Variants in DPP10 observed in about 807,000 individuals in gnomAD.
DPP10 encodes the protein inactive dipeptidyl peptidase 10.
Under a neutral mutation model 120.9 loss-of-function variants are expected in DPP10, and 33 were observed. That is an observed-to-expected ratio of 0.27 (90% CI 0.21 to 0.37). DPP10 has a LOEUF of 0.37. Among genes scored for constraint, DPP10 ranks in the 10% least tolerant of loss-of-function variants. DPP10 has a pLI of 1.00. For missense variants in DPP10, 816 were observed against 942.8 expected (o/e 0.87, Z 1.76); for synonymous variants, 337 against 326.1 (o/e 1.03, Z -0.36).
intron 1 of DPP10, among the ~76,000 whole-genome samples, chr2:115,142,711 G>C (rs538299288): frequency 3.9e-5 from 6 of 152,132 alleles, no homozygotes; most frequent in Non-Finnish European, 5.9e-5. Flanking sequence ...CAGGACCCAG[G>C]GAAGTTGGGT....
intron 1 of DPP10, among the ~76,000 whole-genome samples, chr2:114,443,148 T>G (rs182119267): frequency 6.6e-6 from 1 of 152,206 alleles, no homozygotes; most frequent in Non-Finnish European, 1.5e-5. Context: ...ATTTTCTTGA[T>G]AGAACTGGGG....
intron 1 of DPP10, among the ~76,000 whole-genome samples, chr2:114,757,397 A>G (rs1679871532): frequency 6.8e-6 from 1 of 146,634 alleles, no homozygotes; most frequent in Admixed American, 6.8e-5. Flanking sequence ...GGAGGGAGGG[A>G]GAGAGAGAGA....
At chr2:114,589,266 C>T (rs184453419) in intron 1 of DPP10, among the ~76,000 whole-genome samples, 1 of 152,186 alleles carries the variant, frequency 6.6e-6, no homozygotes, top group Non-Finnish European at 1.5e-5. Context: ...TTCCTGGAGG[C>T]CCAGCCTGTG....
At chr2:114,591,922 T>C (rs1691499612) in intron 1 of DPP10, among the ~76,000 whole-genome samples, 1 of 152,084 alleles carries the variant, frequency 6.6e-6, no homozygotes, top group Admixed American at 6.5e-5. Context: ...TCATTACAGT[T>C]ACAAATTTAG....
intron 1 of DPP10, among the ~76,000 whole-genome samples, chr2:114,516,963 A>G (rs550049065): frequency 2.6e-5 from 4 of 152,364 alleles, no homozygotes; most frequent in Middle Eastern, 3.4e-3. Context: ...TGTTGAGGTT[A>G]TAGCAACTTT....
intron 1 of DPP10, among the ~76,000 whole-genome samples, chr2:114,932,479 T>C (rs1400121546): frequency 6.6e-6 from 1 of 152,124 alleles, no homozygotes; most frequent in East Asian, 1.9e-4. Flanking sequence ...AAAGAACAAA[T>C]TTTTTATATG....
At chr2:114,727,215 G>A (rs953852076) in intron 1 of DPP10, among the ~76,000 whole-genome samples, 9 of 152,162 alleles carry the variant, frequency 5.9e-5, no homozygotes, top group African/African-American at 1.7e-4. Flanking sequence ...CTGGGAGCAG[G>A]CGATGGCTGG....
rs575995108 is a variant in DPP10, at chr2:115,789,542, C to T, written c.1532-1539C>T. Among the ~76,000 whole-genome samples the T allele has an allele frequency of 8.0e-4, 122 of 152,300 alleles. 1 individual carries two copies. Among genetic ancestry groups the T allele is most frequent in the Middle Eastern group, 3.4e-3 (1 of 294 alleles). ...TGCTTAATGGTGAAAGAATGATGCT[C>T]CTGCCTGAGGACTGGGAAAGTCAAG... On this transcript the variant is annotated intron_variant, in intron 17 of 25. Transcript: ENST00000410059.
chr2:115,653,798 T>C (rs760694739), intron 5 of DPP10, among the ~76,000 whole-genome samples: 3 of 151,904 alleles, frequency 2.0e-5, no homozygotes, highest in Non-Finnish European at 2.9e-5. Context: ...ATAGCTCTCT[T>C]TTATTAGTTA....
At chr2:115,075,013 C>T (rs746628162) in intron 1 of DPP10, among the ~76,000 whole-genome samples, 1 of 152,128 alleles carries the variant, frequency 6.6e-6, no homozygotes, top group Admixed American at 6.5e-5. Flanking sequence ...GCAGCAGGAG[C>T]GATGCCTTGG....
intron 1 of DPP10, among the ~76,000 whole-genome samples, chr2:114,665,726 G>A (rs1024866907): frequency 6.6e-6 from 1 of 152,102 alleles, no homozygotes; most frequent in Non-Finnish European, 1.5e-5. Context: ...TGACCCCCAA[G>A]AGAAAAATGT....
intron 21 of DPP10, among the ~76,000 whole-genome samples, chr2:115,826,302 T>C (rs1269002947): frequency 6.6e-6 from 1 of 152,244 alleles, no homozygotes; most frequent in Non-Finnish European, 1.5e-5. Context: ...TAATTGTCTG[T>C]TTGCCTTTTC....
chr2:115,402,891 GTATATATATATGTATATATA>G (rs2068197956), intron 3 of DPP10, among the ~76,000 whole-genome samples: 2 of 124,640 alleles, frequency 1.6e-5, no homozygotes, highest in African/African-American at 3.0e-5. Context: ...GTGTGTGTGT[GTATATATATATGTATATATA>G]TGTGTGTATA....
At chr2:115,835,695 A>AT (rs1435887544) in intron 21 of DPP10, among the ~76,000 whole-genome samples, 1 of 152,048 alleles carries the variant, frequency 6.6e-6, no homozygotes, top group Non-Finnish European at 1.5e-5. Context: ...AACAATCTAA[A>AT]TTTTTGGTGA....
At chr2:114,766,271 T>TA (rs1274346629) in intron 1 of DPP10, among the ~76,000 whole-genome samples, 1 of 151,898 alleles carries the variant, frequency 6.6e-6, no homozygotes, top group East Asian at 1.9e-4. Context: ...TCAGCTAAAA[T>TA]AAAAAATAAA....
rs1395434690 is a variant in DPP10, at chr2:114,924,400, G to A, written c.61-384839G>A. ...AAATTAGTCAGGCATGGTGGTGTGTGCCGTTAATCCCAGCTACTCTGGAAG... is the reference window on the plus strand; with the variant it reads ...AAATTAGTCAGGCATGGTGGTGTGTACCGTTAATCCCAGCTACTCTGGAAG... On this transcript the variant is annotated intron_variant, in intron 1 of 25. Transcript: ENST00000410059. Among the ~76,000 whole-genome samples, 3 of 152,036 alleles carry A rather than the reference G, an allele frequency of 2.0e-5. No individual in the cohort carries two copies. In the East Asian group the frequency reaches 5.8e-4, roughly 29 times the overall value.
At chr2:114,827,116 G>A (rs1686624588) in intron 1 of DPP10, among the ~76,000 whole-genome samples, 1 of 151,948 alleles carries the variant, frequency 6.6e-6, no homozygotes, top group Non-Finnish European at 1.5e-5. Flanking sequence ...CCTGCTTGGG[G>A]GAGAAAAGGA....
At chr2:115,303,469 T>C (rs2061230809) in intron 1 of DPP10, among the ~76,000 whole-genome samples, 1 of 151,940 alleles carries the variant, frequency 6.6e-6, no homozygotes, top group South Asian at 2.1e-4. Context: ...TTCTCTACTT[T>C]TAAAAAAACT....
chr2:114,763,427 A>G (rs1176835003), intron 1 of DPP10, among the ~76,000 whole-genome samples: 2 of 152,186 alleles, frequency 1.3e-5, no homozygotes, highest in Non-Finnish European at 2.9e-5. Flanking sequence ...AGATCAAAGT[A>G]TGTACTTCTC....
Sources: gnomAD v4.1 joint callset for allele counts (sites outside exome capture counted in the v4.1 genomes callset) on GRCh38, gnomAD v4.1.1 for gene constraint, MANE v1.5 for transcripts, NCBI Gene and HGNC (gene_info 2026-07-23, HGNC 2026-07-21) for gene names.